EBF1: variants seen among roughly 807,000 people sequenced by gnomAD.
EBF1 encodes the protein transcription factor COE1.
In EBF1, 10 loss-of-function variants were observed where a neutral mutation model predicts 68.4. That is an observed-to-expected ratio of 0.15 (90% CI 0.09 to 0.25). The LOEUF (loss-of-function observed/expected upper bound fraction) is 0.25, where lower values mean the gene tolerates loss of function less well. Ranked by LOEUF, EBF1 falls within the 10% of genes least tolerant of loss-of-function variation. EBF1 has a pLI of 1.00. For missense variants in EBF1, 509 were observed against 794.4 expected (o/e 0.64, Z 4.32); for synonymous variants, 298 against 299.8 (o/e 0.99, Z 0.06).
chr5:158,957,926 G>A (rs1213667867), intron 6 of EBF1, among the ~76,000 whole-genome samples: 1 of 151,880 alleles, frequency 6.6e-6, no homozygotes, highest in East Asian at 1.9e-4. Flanking sequence ...CTCTTTTTGT[G>A]GGAATATCTT....
intron 6 of EBF1, among the ~76,000 whole-genome samples, chr5:159,008,506 T>C (rs900961626): frequency 6.6e-6 from 1 of 150,878 alleles, no homozygotes; most frequent in African/African-American, 2.4e-5. Context: ...TTTAAACGTT[T>C]TCTTTTCTTT....
At chr5:158,904,230 T>G (rs1804068152) in intron 6 of EBF1, among the ~76,000 whole-genome samples, 1 of 152,168 alleles carries the variant, frequency 6.6e-6, no homozygotes, top group South Asian at 2.1e-4. Flanking sequence ...GAAGAAATAG[T>G]ACCTACTCAC....
chr5:158,847,303 G>A (rs1029533012), intron 6 of EBF1, among the ~76,000 whole-genome samples: 8 of 152,152 alleles, frequency 5.3e-5, no homozygotes, highest in South Asian at 2.1e-4. Flanking sequence ...GGAAAAGGAC[G>A]CACTCCACGT....
At chr5:158,998,982 C>A (rs551066204) in intron 6 of EBF1, among the ~76,000 whole-genome samples, 1 of 152,108 alleles carries the variant, frequency 6.6e-6, no homozygotes, top group East Asian at 1.9e-4. Flanking sequence ...ATTTCTCTGT[C>A]ATGGAAGCTT....
At chr5:158,979,063 C>T (rs1303598278) in intron 6 of EBF1, among the ~76,000 whole-genome samples, 1 of 151,950 alleles carries the variant, frequency 6.6e-6, no homozygotes, top group Non-Finnish European at 1.5e-5. Flanking sequence ...AAGAGAAATA[C>T]CATCAGCTGG....
intron 7 of EBF1, among the ~76,000 whole-genome samples, chr5:158,828,707 T>C (rs1285738267): frequency 2.6e-5 from 4 of 152,224 alleles, no homozygotes; most frequent in Admixed American, 2.0e-4. Flanking sequence ...GGGATCATTC[T>C]GTATTACTTC....
At chr5:159,009,494 T>C (rs1238506862) in intron 6 of EBF1, among the ~76,000 whole-genome samples, 1 of 152,214 alleles carries the variant, frequency 6.6e-6, no homozygotes, top group East Asian at 1.9e-4. Context: ...TCTTTGTAAA[T>C]GATCATGTCT....
At chr5:158,738,641 G>A (rs939962731) in intron 10 of EBF1, among the ~76,000 whole-genome samples, 4 of 152,142 alleles carry the variant, frequency 2.6e-5, no homozygotes, top group Non-Finnish European at 2.9e-5. Context: ...TGCCCTTGAC[G>A]TAAATGTTAA....
At chr5:159,057,538 GC>G (rs761539040) in intron 6 of EBF1, among the ~76,000 whole-genome samples, 7 of 152,188 alleles carry the variant, frequency 4.6e-5, no homozygotes, top group Non-Finnish European at 5.9e-5. Context: ...CTTCCCTAAG[GC>G]TGATTGCACA....
At chr5:159,088,631 CA>C (rs1781121894) in intron 4 of EBF1, among the ~76,000 whole-genome samples, 1 of 152,040 alleles carries the variant, frequency 6.6e-6, no homozygotes, top group African/African-American at 2.4e-5. Flanking sequence ...AGGGCCCAGA[CA>C]ATGAAACACC....
intron 6 of EBF1, among the ~76,000 whole-genome samples, chr5:158,943,331 TACACAC>T (rs59821779): frequency 2.7e-5 from 4 of 149,316 alleles, no homozygotes; most frequent in South Asian, 2.1e-4. Context: ...GTTTATTGGA[TACACAC>T]ACACACACAC....
At chr5:158,912,605 T>C (rs1216186302) in intron 6 of EBF1, among the ~76,000 whole-genome samples, 1 of 152,150 alleles carries the variant, frequency 6.6e-6, no homozygotes, top group African/African-American at 2.4e-5. Flanking sequence ...TCTCAGGCGA[T>C]TCTGACGAAC....
intron 10 of EBF1, among the ~76,000 whole-genome samples, chr5:158,753,832 T>C (rs1769456128): frequency 6.6e-6 from 1 of 152,148 alleles, no homozygotes; most frequent in African/African-American, 2.4e-5. Context: ...CAAAAATGTT[T>C]ACTTTCAGAC....
At chr5:158,896,585 G>A (rs1219772824) in intron 6 of EBF1, among the ~76,000 whole-genome samples, 1 of 152,174 alleles carries the variant, frequency 6.6e-6, no homozygotes, top group Non-Finnish European at 1.5e-5. Context: ...CAGCTAAGTG[G>A]CAAAGGCTGG....
At chr5:159,051,621 C>G (rs1021855802) in intron 6 of EBF1, among the ~76,000 whole-genome samples, 53 of 151,812 alleles carry the variant, frequency 3.5e-4, no homozygotes, top group African/African-American at 1.3e-3. Context: ...ACAGTGCGCT[C>G]GGCACCAGGG....
chr5:158,925,370 T>C (rs1415740597), intron 6 of EBF1, among the ~76,000 whole-genome samples: 1 of 152,216 alleles, frequency 6.6e-6, no homozygotes, highest in Non-Finnish European at 1.5e-5. Flanking sequence ...ACAGAGTGAA[T>C]ATACAATAAA....
At chr5:159,079,601 TC>T (rs1359917002) in intron 5 of EBF1, among the ~76,000 whole-genome samples, 5 of 135,558 alleles carry the variant, frequency 3.7e-5, no homozygotes, top group African/African-American at 1.4e-4. Flanking sequence ...CCTCCTTTTA[TC>T]TTTTTTTTTT....
At chr5:158,753,663 T>C (rs1184092813) in intron 10 of EBF1, among the ~76,000 whole-genome samples, 1 of 152,174 alleles carries the variant, frequency 6.6e-6, no homozygotes, top group Non-Finnish European at 1.5e-5. Context: ...AATTGACCAC[T>C]GCTTTCACCT....
intron 6 of EBF1, among the ~76,000 whole-genome samples, chr5:158,860,706 G>T (rs1465145410): frequency 1.3e-5 from 2 of 152,252 alleles, no homozygotes; most frequent in Non-Finnish European, 2.9e-5. Flanking sequence ...AGACAAACAA[G>T]TGACATTTTC....
Sources: gnomAD v4.1 joint callset for allele counts (sites outside exome capture counted in the v4.1 genomes callset) on GRCh38, gnomAD v4.1.1 for gene constraint, MANE v1.5 for transcripts, NCBI Gene and HGNC (gene_info 2026-07-23, HGNC 2026-07-21) for gene names.